The following DAB1 variants were observed in gnomAD, a reference collection of about 807,000 sequenced individuals.
DAB1 encodes the protein DAB adaptor protein 1.
In DAB1, 15 loss-of-function variants were observed where a neutral mutation model predicts 64.6. That is an observed-to-expected ratio of 0.23 (90% CI 0.16 to 0.36). DAB1 has a LOEUF of 0.36. Among genes scored for constraint, DAB1 ranks in the 10% least tolerant of loss-of-function variants. The probability of loss-of-function intolerance (pLI) is 1.00; values close to 1 mark genes in which losing one functional copy is unlikely to be tolerated. For missense variants in DAB1, 596 were observed against 706.7 expected (o/e 0.84, Z 1.78); for synonymous variants, 235 against 251.9 (o/e 0.93, Z 0.64).
chr1:57,451,004 G>T lies in DAB1; in HGVS notation n.626-159838C>A, dbSNP rs531366499. ...ATGCTCTTAAAACAATTGTTTTCTG[G>T]AAAAGGTTGTTTCTTCTTTCGTATC... On this transcript the variant is annotated intron_variant and non_coding_transcript_variant, in intron 7 of 20. Transcript: ENST00000485760. Among the ~76,000 whole-genome samples the T allele has an allele frequency of 9.1e-4, 138 of 152,246 alleles. 2 individuals are homozygous for T. The South Asian group carries it at 0.028, about 31-fold the overall frequency.
intron 6 of DAB1, among the ~76,000 whole-genome samples, chr1:57,714,058 A>C (rs1647056359): frequency 6.6e-6 from 1 of 152,192 alleles, no homozygotes; most frequent in African/African-American, 2.4e-5. Context: ...GAGAACTCTC[A>C]GTCTGGTGGG....
chr1:58,411,100 C>T (rs376474506), intron 3 of DAB1, among the ~76,000 whole-genome samples: 2 of 152,366 alleles, frequency 1.3e-5, no homozygotes, highest in African/African-American at 2.4e-5. Flanking sequence ...GCATGAATAA[C>T]TCCAGTGATG....
At chr1:57,563,860 G>C (rs1355370113) in intron 7 of DAB1, among the ~76,000 whole-genome samples, 4 of 152,194 alleles carry the variant, frequency 2.6e-5, no homozygotes, top group Non-Finnish European at 4.4e-5. Context: ...TCCATCTCTG[G>C]GGGCAGGGCA....
intron 6 of DAB1, among the ~76,000 whole-genome samples, chr1:57,717,520 A>G (rs1184346520): frequency 1.3e-5 from 2 of 152,178 alleles, no homozygotes; most frequent in African/African-American, 4.8e-5. Flanking sequence ...AGGTTCCTCA[A>G]AAAATTAAAA....
intron 2 of DAB1, among the ~76,000 whole-genome samples, chr1:57,263,766 G>A (rs1670376966): frequency 6.6e-6 from 1 of 152,180 alleles, no homozygotes; most frequent in Non-Finnish European, 1.5e-5. Flanking sequence ...CCAGTTTTGT[G>A]CCAATAATTT....
intron 4 of DAB1, among the ~76,000 whole-genome samples, chr1:58,247,174 A>G (rs1158926252): frequency 6.6e-6 from 1 of 151,886 alleles, no homozygotes; most frequent in African/African-American, 2.4e-5. Context: ...AGGAGGCTGG[A>G]GAGGAGAAGA....
At chr1:57,760,423 T>C (rs547904587) in intron 6 of DAB1, among the ~76,000 whole-genome samples, 2 of 152,136 alleles carry the variant, frequency 1.3e-5, no homozygotes, top group Non-Finnish European at 2.9e-5. Context: ...TGAGAGCCTG[T>C]GGTAACTTCT....
chr1:57,789,268 C>T (rs1650479823), intron 6 of DAB1, among the ~76,000 whole-genome samples: 1 of 152,062 alleles, frequency 6.6e-6, no homozygotes, highest in Non-Finnish European at 1.5e-5. Flanking sequence ...TGCAGCAGAC[C>T]ACTCAACTGG....
At chr1:57,013,591 T>C (rs1646330793) in intron 12 of DAB1, among the ~76,000 whole-genome samples, 1 of 152,174 alleles carries the variant, frequency 6.6e-6, no homozygotes, top group African/African-American at 2.4e-5. Context: ...CTGGCTGAAA[T>C]GGCACAATCT....
chr1:58,475,477 AAC>A (rs112408529), intron 3 of DAB1, among the ~76,000 whole-genome samples: 5,791 of 147,748 alleles, frequency 0.039, 277 homozygotes, highest in Admixed American at 0.11. Context: ...AGGTTAATTA[AAC>A]ACACACACAC....
At chr1:58,144,805 T>C (rs908465174) in intron 5 of DAB1, among the ~76,000 whole-genome samples, 102 of 152,198 alleles carry the variant, frequency 6.7e-4, no homozygotes, top group Admixed American at 6.5e-3. Context: ...GTCAGAGTTG[T>C]GCCATGCAGC....
At chr1:57,650,087 A>C (rs1413725258) in intron 6 of DAB1, among the ~76,000 whole-genome samples, 1 of 152,252 alleles carries the variant, frequency 6.6e-6, no homozygotes, top group Non-Finnish European at 1.5e-5. Context: ...GTTGAGTCTT[A>C]AAAGCGATCA....
At chr1:57,082,406 T>G (rs1163188460) in intron 4 of DAB1, among the ~76,000 whole-genome samples, 1 of 152,228 alleles carries the variant, frequency 6.6e-6, no homozygotes, top group Non-Finnish European at 1.5e-5. Context: ...AAGACACACG[T>G]GCTTAGAAGT....
intron 5 of DAB1, among the ~76,000 whole-genome samples, chr1:58,118,159 G>C (rs1428339231): frequency 6.6e-6 from 1 of 151,260 alleles, no homozygotes; most frequent in Non-Finnish European, 1.5e-5. Flanking sequence ...AATCCTCTTG[G>C]CTTGGCCTTC....
At chr1:58,394,861 T>C (rs79896940) in intron 3 of DAB1, among the ~76,000 whole-genome samples, 1,800 of 152,222 alleles carry the variant, frequency 0.012, 12 homozygotes, top group Non-Finnish European at 0.017. Context: ...TCAAAACTCA[T>C]TGAGTTGTAT....
chr1:57,420,202 T>C (rs916690181), intron 1 of DAB1, among the ~76,000 whole-genome samples: 7 of 152,170 alleles, frequency 4.6e-5, no homozygotes, highest in Non-Finnish European at 1.0e-4. Flanking sequence ...TATAGAAGTC[T>C]TACTATTTCA....
chr1:57,847,125 T>C (rs1465335463), intron 1 of DAB1, among the ~76,000 whole-genome samples: 2 of 152,206 alleles, frequency 1.3e-5, no homozygotes, highest in African/African-American at 4.8e-5. Context: ...ACTATTCCTC[T>C]GAGGTTTAAG....
chr1:58,054,859 A>C (rs1647957077), intron 5 of DAB1, among the ~76,000 whole-genome samples: 1 of 152,212 alleles, frequency 6.6e-6, no homozygotes, highest in Admixed American at 6.5e-5. Context: ...CCAGGAGAGG[A>C]CGAAGATGAG....
chr1:57,377,694 C>G (rs1289054316), intron 1 of DAB1, among the ~76,000 whole-genome samples: 1 of 152,164 alleles, frequency 6.6e-6, no homozygotes, highest in Non-Finnish European at 1.5e-5. Flanking sequence ...TAAGAAACTT[C>G]TATCAGGGCC....
Sources: gnomAD v4.1 joint callset for allele counts (sites outside exome capture counted in the v4.1 genomes callset) on GRCh38, gnomAD v4.1.1 for gene constraint, MANE v1.5 for transcripts, NCBI Gene and HGNC (gene_info 2026-07-23, HGNC 2026-07-21) for gene names.